The following MPZL1 variants were observed in gnomAD, a reference collection of about 807,000 sequenced individuals.
The protein encoded by MPZL1 is myelin protein zero-like protein 1.
A neutral mutation model predicts 29.3 loss-of-function variants in MPZL1; 16 were observed. The ratio of observed to expected loss-of-function variants is 0.55; its 90% CI spans 0.37 to 0.83. MPZL1 has a LOEUF of 0.83. Among genes scored for constraint, MPZL1 ranks in the 40% least tolerant of loss-of-function variants. The pLI is 0.00. For missense variants in MPZL1, 279 were observed against 332.9 expected, an observed-to-expected ratio of 0.84 and a Z score of 1.26; for synonymous variants, 143 against 132.0, an observed-to-expected ratio of 1.08 and a Z score of -0.57.
chr1:167,750,201 C>A (rs1660727903), intron 1 of MPZL1, among the ~76,000 whole-genome samples: 1 of 151,490 alleles, frequency 6.6e-6, no homozygotes, highest in Non-Finnish European at 1.5e-5. Flanking sequence ...CTTTTCTTTT[C>A]TTTTCTTTTC....
Position 167,744,839 on chromosome 1 carries a change from A to G in MPZL1, c.92-20744A>G, listed in dbSNP as rs191907864. Reference sequence around the variant, plus strand: ...ATTTATTTCCATTAAATTGGGAGTAAGATCAAAACAGAATAATGTTTACTG... The same window carrying G: ...ATTTATTTCCATTAAATTGGGAGTAGGATCAAAACAGAATAATGTTTACTG... On this transcript the variant is annotated intron_variant, in intron 1 of 5. Coordinates refer to ENST00000359523, the MANE Select transcript of MPZL1 (RefSeq NM_003953.6). Among the ~76,000 whole-genome samples, 95 of 152,288 alleles carry G rather than the reference A, an allele frequency of 6.2e-4. No homozygotes were observed. In the East Asian group the frequency reaches 0.017, roughly 28 times the overall value.
chr1:167,785,893 C>T (rs1571176473), intron 5 of MPZL1, among the ~76,000 whole-genome samples: 1 of 152,106 alleles, frequency 6.6e-6, no homozygotes, highest in African/African-American at 2.4e-5. Context: ...CCTGGGTTCA[C>T]ACCATTCTCC....
At chr1:167,766,088 T>A (rs866846515) in intron 2 of MPZL1, among the ~76,000 whole-genome samples, 76 of 152,046 alleles carry the variant, frequency 5.0e-4, no homozygotes, top group African/African-American at 1.4e-3. Flanking sequence ...TTATCAAATT[T>A]TATATATATA....
chr1:167,737,878 A>G (rs576066594), intron 1 of MPZL1, among the ~76,000 whole-genome samples: 4 of 152,266 alleles, frequency 2.6e-5, no homozygotes, highest in African/African-American at 9.6e-5. Flanking sequence ...TCTACAGAGA[A>G]CCAATATCAT....
chr1:167,743,315 A>G (rs964023206), intron 1 of MPZL1, among the ~76,000 whole-genome samples: 5 of 151,770 alleles, frequency 3.3e-5, no homozygotes, highest in Non-Finnish European at 4.4e-5. Flanking sequence ...GGTTCAAGCA[A>G]TTCTCCTGCC....
Position 167,765,789 on chromosome 1 carries a change from A to T in MPZL1, c.258+40A>T, listed in dbSNP as rs765067263. On this transcript the variant is annotated intron_variant, in intron 2 of 5. Transcript: ENST00000359523. The stretch of plus-strand genomic sequence containing the variant: ...CTTCTCTTGGCTAGTCCTGCCTCAC[A>T]GGTTTCTTTACTGCTGTATAATTGG... The T allele has an allele frequency of 4.6e-6, 7 of 1,519,894 alleles. No homozygotes were observed. The East Asian group carries it at 1.6e-4, about 36-fold the overall frequency. 94.2% of individuals were successfully genotyped at this position (1,519,894 alleles called of 1,614,324 possible).
chr1:167,744,421 T>C (rs1660601081), intron 1 of MPZL1, among the ~76,000 whole-genome samples: 2 of 152,108 alleles, frequency 1.3e-5, no homozygotes, highest in Non-Finnish European at 2.9e-5. Context: ...CAGTGGCTCA[T>C]GCCTGTAATC....
chr1:167,755,620 G>A (rs1273188111), intron 1 of MPZL1, among the ~76,000 whole-genome samples: 1 of 152,186 alleles, frequency 6.6e-6, no homozygotes, highest in Non-Finnish European at 1.5e-5. Context: ...AGAAATGTTT[G>A]GATGCTTTAT....
chr1:167,772,196 C>G (rs1661267142), intron 2 of MPZL1, 79 bp from the exon 3 acceptor site: 2 of 1,158,458 alleles, frequency 1.7e-6, no homozygotes, highest in Admixed American at 2.2e-5. Flanking sequence ...TTAAAAGAAC[C>G]TTTCATAGCA....
At chr1:167,769,372 C>A (rs1321479900) in intron 2 of MPZL1, among the ~76,000 whole-genome samples, 1 of 152,144 alleles carries the variant, frequency 6.6e-6, no homozygotes, top group Admixed American at 6.5e-5. Flanking sequence ...CCTTTCAGGG[C>A]TGAAGTCAGA....
At position 167,789,563 on chromosome 1, in the gene MPZL1, G is replaced by C. The variant is rs775498845; in HGVS notation, c.*1642G>C. On this transcript the variant is annotated 3_prime_UTR_variant, in exon 6 of 6. Coordinates refer to ENST00000359523, the MANE Select transcript of MPZL1 (RefSeq NM_003953.6). ...GTGTGCACAAGGTGGTAAGATAAAG[G>C]GCATATGAGCTTCAAAACTAATGCT... The C allele has an allele frequency of 6.6e-6, 1 of 152,102 alleles. No homozygotes were observed. Among genetic ancestry groups the C allele is most frequent in the Admixed American group, 6.5e-5 (1 of 15,280 alleles). 9.4% of individuals were successfully genotyped at this position (152,102 alleles called of 1,614,324 possible).
At chr1:167,723,602 A>C (rs1207450025) in intron 1 of MPZL1, among the ~76,000 whole-genome samples, 1 of 152,262 alleles carries the variant, frequency 6.6e-6, no homozygotes, top group Non-Finnish European at 1.5e-5. Flanking sequence ...GTTATGCATG[A>C]GAGGTCAGAC....
chr1:167,723,577 G>T (rs1471062204), intron 1 of MPZL1, among the ~76,000 whole-genome samples: 5 of 152,240 alleles, frequency 3.3e-5, no homozygotes, highest in African/African-American at 1.2e-4. Context: ...TCAGAAATAT[G>T]CTTCAGACAG....
intron 1 of MPZL1, among the ~76,000 whole-genome samples, chr1:167,743,214 CT>C (rs778344121): frequency 2.0e-4 from 29 of 147,094 alleles, no homozygotes; most frequent in East Asian, 1.2e-3. Context: ...ATCATTTTCA[CT>C]TTTTTTTTTT....
At position 167,725,425 on chromosome 1, in the gene MPZL1, C is replaced by T. The variant is rs560773719; in HGVS notation, c.91+3183C>T. ...TCAGCATCCCAAGTAGCTGGGACTA[C>T]AGGCATGCACCACCATGCCTGGCTA... On this transcript the variant is annotated intron_variant, in intron 1 of 5. Coordinates refer to ENST00000359523, the MANE Select transcript of MPZL1 (RefSeq NM_003953.6). Among the ~76,000 whole-genome samples, 28 of 152,270 alleles carry T rather than the reference C, an allele frequency of 1.8e-4. 1 individual carries two copies. The highest frequency in any genetic ancestry group is 1.3e-3 in the Admixed American group (20 of 15,308).
rs1206579652 is a variant in MPZL1, at chr1:167,788,110, G to T, written c.*189G>T. The T allele has an allele frequency of 1.3e-5, 7 of 520,010 alleles. No individual in the cohort carries two copies. Among genetic ancestry groups the T allele is most frequent in the Non-Finnish European group, 2.1e-5 (6 of 283,946 alleles). The allele number at this position is 520,010 out of a possible 1,614,324, so 32.2% of individuals were successfully genotyped here. ...ATTCTATTTAGTCATCCTGATATGAGGAGCCAGTGTTGCATGATGAAAAGA... is the reference window on the plus strand; with the variant it reads ...ATTCTATTTAGTCATCCTGATATGATGAGCCAGTGTTGCATGATGAAAAGA... On this transcript the variant is annotated 3_prime_UTR_variant, in exon 6 of 6. Transcript: ENST00000359523.
chr1:167,722,562 G>A (rs1214373916), intron 1 of MPZL1, among the ~76,000 whole-genome samples: 2 of 152,322 alleles, frequency 1.3e-5, no homozygotes, highest in East Asian at 3.9e-4. Context: ...GTGAGCCCTC[G>A]CGGCGCACCC....
At chr1:167,767,792 CTTTTTTTTTT>C (rs58079089) in intron 2 of MPZL1, among the ~76,000 whole-genome samples, 1 of 58,108 alleles carries the variant, frequency 1.7e-5, no homozygotes, top group African/African-American at 6.8e-5. Context: ...CCCTTTTCTG[CTTTTTTTTTT>C]TTTTTTTTTT....
At chr1:167,778,116 T>G (rs1661410972) in intron 5 of MPZL1, among the ~76,000 whole-genome samples, 1 of 151,478 alleles carries the variant, frequency 6.6e-6, no homozygotes. Context: ...AGGTCAGGAG[T>G]TCGAGACCAA....
Sources: gnomAD v4.1 joint callset for allele counts (sites outside exome capture counted in the v4.1 genomes callset) on GRCh38, gnomAD v4.1.1 for gene constraint, MANE v1.5 for transcripts, NCBI Gene and HGNC (gene_info 2026-07-23, HGNC 2026-07-21) for gene names.